The following TGM6 variants were observed in gnomAD, a reference collection of about 807,000 sequenced individuals.
TGM6 encodes the protein transglutaminase 6.
A neutral mutation model predicts 77.5 loss-of-function variants in TGM6; 74 were observed. That is an observed-to-expected ratio of 0.96 (90% CI 0.79 to 1.16). TGM6 has a LOEUF of 1.16. TGM6 is among the 50% of genes most tolerant of loss of function. The pLI, the probability that TGM6 is intolerant of heterozygous loss-of-function variation, is 0.00. For synonymous variants in TGM6, 383 were observed against 378.9 expected (o/e 1.01, Z -0.12); for missense variants, 968 against 940.2 (o/e 1.03, Z -0.39).
At chr20:2,396,689 G>A in intron 4 of TGM6, 65 bp downstream of exon 4, 1 of 1,450,942 alleles carries the variant, frequency 6.9e-7, no homozygotes, top group Non-Finnish European at 9.7e-7. Context: ...TGGGACTGGA[G>A]TCCCTCTGTC....
chr20:2,404,522 G>A (rs2084736578), intron 9 of TGM6, among the ~76,000 whole-genome samples: 1 of 152,090 alleles, frequency 6.6e-6, no homozygotes, highest in Non-Finnish European at 1.5e-5. Context: ...CCTGTCCCCT[G>A]AGCACAAGCT....
chr20:2,431,173 C>G, intron 12 of TGM6, 146 bp downstream of exon 12: 1 of 949,204 alleles, frequency 1.1e-6, no homozygotes, highest in South Asian at 1.9e-5. Context: ...AGCCTTCATT[C>G]ACTTATTTAT....
At chr20:2,388,390 A>G (rs1320812990) in intron 1 of TGM6, among the ~76,000 whole-genome samples, 1 of 152,160 alleles carries the variant, frequency 6.6e-6, no homozygotes, top group Non-Finnish European at 1.5e-5. Flanking sequence ...TGTGACTCCT[A>G]TGGGGTCAAA....
At chr20:2,396,765 T>C in intron 4 of TGM6, 141 bp downstream of exon 4, 2 of 780,972 alleles carry the variant, frequency 2.6e-6, no homozygotes, top group South Asian at 1.6e-5. Context: ...ATTCATTCAT[T>C]CATCTACTAT....
At chr20:2,390,454 G>C (rs1242798216) in intron 1 of TGM6, among the ~76,000 whole-genome samples, 1 of 152,166 alleles carries the variant, frequency 6.6e-6, no homozygotes, top group Non-Finnish European at 1.5e-5. Context: ...TCCAGCCCTT[G>C]CTTGTTTGTG....
At position 2,417,269 on chromosome 20, in the gene TGM6, G is replaced by A; in HGVS notation, c.1374G>A (p.Val458=). 1 of 1,609,358 alleles carries A rather than the reference G, an allele frequency of 6.2e-7. No individual in the cohort carries two copies. The highest frequency in any genetic ancestry group is 8.5e-7 in the Non-Finnish European group (1 of 1,178,138). The change falls in exon 10 of 13, where the codon GTG becomes GTA. Residue 458 remains valine (V), a synonymous_variant. Coordinates refer to ENST00000202625, the MANE Select transcript of TGM6 (RefSeq NM_198994.3). Reference sequence around the variant, plus strand: ...AGAGGCAGGTGTACAGCAAGGCGGTGAACAGGCTGTTCGGCGTGGAAGCCT... The same window carrying A: ...AGAGGCAGGTGTACAGCAAGGCGGTAAACAGGCTGTTCGGCGTGGAAGCCT... ...RKERQVYSKA[V]NRLFGVEASG...
chr20:2,422,251 T>C (rs1043785613), intron 10 of TGM6, among the ~76,000 whole-genome samples: 2 of 152,246 alleles, frequency 1.3e-5, no homozygotes, highest in African/African-American at 4.8e-5. Context: ...GTACATTTTG[T>C]AAAGAATGTA....
At chr20:2,387,112 T>TA (rs573477910) in intron 1 of TGM6, among the ~76,000 whole-genome samples, 5 of 152,206 alleles carry the variant, frequency 3.3e-5, no homozygotes, top group Non-Finnish European at 5.9e-5. Context: ...TATATGTCAG[T>TA]AAATGGAGAC....
chr20:2,427,920 T>G (rs963909789), intron 10 of TGM6, among the ~76,000 whole-genome samples: 1 of 152,180 alleles, frequency 6.6e-6, no homozygotes, highest in African/African-American at 2.4e-5. Flanking sequence ...CAAATTTTGA[T>G]AAGTTGTAGT....
chr20:2,407,232 A>C lies in TGM6; in HGVS notation c.1336+3409A>C, dbSNP rs530275566. Among the ~76,000 whole-genome samples, 55 of 152,362 alleles carry C rather than the reference A, an allele frequency of 3.6e-4. 1 individual carries two copies. In the South Asian group the frequency reaches 0.011, roughly 30 times the overall value. On this transcript the variant is annotated intron_variant, in intron 9 of 12. Transcript: ENST00000202625. ...CTGTGGGCAACGTGATTTTACATTT[A>C]GGTTAACAAAAATAATAGTAACAGT...
intron 9 of TGM6, among the ~76,000 whole-genome samples, chr20:2,406,853 A>AAAAAAAAC (rs2084755535): frequency 7.5e-6 from 1 of 133,038 alleles, no homozygotes; most frequent in South Asian, 2.4e-4. Context: ...AAAAAAAAAA[A>AAAAAAAAC]AAAAAAAAAA....
intron 1 of TGM6, among the ~76,000 whole-genome samples, chr20:2,393,069 A>G (rs1034528115): frequency 1.3e-5 from 2 of 152,222 alleles, no homozygotes; most frequent in African/African-American, 4.8e-5. Context: ...CCAGCCTGGC[A>G]TAGAGATTAT....
rs374951502 is a variant in TGM6 at position 2,394,542 on chromosome 20, G to T, written c.98G>T (p.Arg33Leu). The T allele has an allele frequency of 3.7e-6, 6 of 1,611,884 alleles. No individual in the cohort carries two copies. In the African/African-American group the frequency reaches 4.0e-5, roughly 11 times the overall value. The stretch of plus-strand genomic sequence containing the variant: ...TACCCCTGCCCTGAGCTGGTGGTTC[G>T]CAGGGGCCAGTCGTTCAGCCTCACG... The part of the protein sequence containing the change: ...QEYPCPELVV[R>L]RGQSFSLTLE... The change falls in exon 2 of 13, where the codon CGC becomes CTC. Residue 33 changes from arginine to leucine, a missense_variant. Physicochemically the swap from Arg to Leu is moderately radical, Grantham distance 102. Coordinates refer to ENST00000202625, the MANE Select transcript of TGM6 (RefSeq NM_198994.3).
rs1482606341 is a variant in TGM6 at position 2,394,518 on chromosome 20, AC to A, written c.78del (p.Cys27AlafsTer18). 1 of 1,611,698 alleles carries A rather than the reference AC, an allele frequency of 6.2e-7. No individual in the cohort carries two copies. Among genetic ancestry groups the A allele is most frequent in the Admixed American group, 1.7e-5 (1 of 60,002 alleles). On this transcript the variant is annotated frameshift_variant, in exon 2 of 13. Coordinates refer to ENST00000202625, the MANE Select transcript of TGM6 (RefSeq NM_198994.3). LOFTEE classifies it high-confidence loss of function. Reference protein sequence around the residue: ...RNGAAHHTQEYPCPELVVRRG... With the variant: ...RNGAAHHTQEXPCPELVVRRG... ...GGCGCTGCCCACCACACCCAGGAGT[AC>A]CCCTGCCCTGAGCTGGTGGTTCGCA...
rs1428693527 is a variant in TGM6, at chr20:2,395,322, C to T, written c.310C>T (p.Pro104Ser). The T allele has an allele frequency of 6.2e-7, 1 of 1,614,244 alleles. No individual in the cohort carries two copies. Among genetic ancestry groups the T allele is most frequent in the East Asian group, 2.2e-5 (1 of 44,884 alleles). ...EKTLTVSLAS[P>S]PSAVIGRYLL... ...AACTCTGACCGTCAGTCTCGCCAGC[C>T]CTCCCAGTGCTGTCATTGGCCGCTA... Residue 104 changes from proline to serine, a missense_variant, in exon 3 of 13, where the codon CCT becomes TCT. Transcript: ENST00000202625.
chr20:2,414,158 G>A lies in TGM6; in HGVS notation c.1337-3074G>A, dbSNP rs536766931. 5.9e-5 allele frequency among the ~76,000 whole-genome samples: 9 copies of A among 152,224 alleles called. No individual in the cohort carries two copies. The South Asian group carries it at 1.7e-3, about 28-fold the overall frequency. On this transcript the variant is annotated intron_variant, in intron 9 of 12. Transcript: ENST00000202625. ...AGGCCAAGGCGAGAGGAGTACTTGA[G>A]GCTAGGAGTTCAAGACCAGCCTGGG...
intron 10 of TGM6, among the ~76,000 whole-genome samples, chr20:2,427,393 T>C (rs36028144): frequency 6.6e-6 from 1 of 152,028 alleles, no homozygotes; most frequent in African/African-American, 2.4e-5. Flanking sequence ...TGTCCTCTCT[T>C]GCATTTATCA....
chr20:2,383,403 C>A (rs2084569285), intron 1 of TGM6, among the ~76,000 whole-genome samples: 2 of 152,138 alleles, frequency 1.3e-5, no homozygotes, highest in Admixed American at 1.3e-4. Flanking sequence ...CGGCAGGAGG[C>A]AATGTTCTGC....
At chr20:2,420,311 T>C (rs2084847742) in intron 10 of TGM6, among the ~76,000 whole-genome samples, 1 of 152,086 alleles carries the variant, frequency 6.6e-6, no homozygotes, top group African/African-American at 2.4e-5. Context: ...ACATATAATT[T>C]ATTAAATTAT....
Sources: gnomAD v4.1 joint callset for allele counts (sites outside exome capture counted in the v4.1 genomes callset) on GRCh38, gnomAD v4.1.1 for gene constraint, MANE v1.5 for transcripts, NCBI Gene and HGNC (gene_info 2026-07-23, HGNC 2026-07-21) for gene names.